Variants in LRRC4C observed in about 807,000 individuals in gnomAD.
The protein encoded by LRRC4C is leucine-rich repeat-containing protein 4C.
In LRRC4C, 5 loss-of-function variants were observed where a neutral mutation model predicts 33.6. That is an observed-to-expected ratio of 0.15 (90% CI 0.08 to 0.31). The LOEUF (loss-of-function observed/expected upper bound fraction) is 0.31. Among genes scored for constraint, LRRC4C ranks in the 10% least tolerant of loss-of-function variants. The pLI, the probability that LRRC4C is intolerant of heterozygous loss-of-function variation, is 1.00. For missense variants in LRRC4C, 560 were observed against 796.7 expected (o/e 0.70, Z 3.58); for synonymous variants, 329 against 302.0 (o/e 1.09, Z -0.93).
chr11:40,260,563 T>A (rs184921503), intron 4 of LRRC4C, among the ~76,000 whole-genome samples: 2,021 of 150,678 alleles, frequency 0.013, 54 homozygotes, highest in Non-Finnish European at 0.014. Context: ...AAAAAAAAAT[T>A]AAAAAAAATA....
In LRRC4C at chr11:41,148,897, A is replaced by G. The variant is rs77755868; in HGVS notation, c.-495-215174T>C. On this transcript the variant is annotated intron_variant, in intron 1 of 6. Coordinates refer to ENST00000528697, the MANE Select transcript of LRRC4C (RefSeq NM_001258419.2). ...GATAATTACGTTAGCTATTGTTATT[A>G]ACCAAGAAGTTACCGAATCATAGCA... is the stretch of plus-strand genomic sequence containing the variant. Among the ~76,000 whole-genome samples, 754 of 152,294 alleles carry G rather than the reference A, an allele frequency of 5.0e-3. 8 individuals are homozygous for G. Among genetic ancestry groups the G allele is most frequent in the African/African-American group, 0.017 (705 of 41,556 alleles).
intron 3 of LRRC4C, among the ~76,000 whole-genome samples, chr11:40,527,480 T>A (rs1292608291): frequency 1.3e-5 from 2 of 152,134 alleles, no homozygotes; most frequent in South Asian, 4.2e-4. Flanking sequence ...ATAAGGATAT[T>A]TGGTAAATTA....
chr11:41,107,429 T>C (rs1941571025), intron 1 of LRRC4C, among the ~76,000 whole-genome samples: 1 of 152,132 alleles, frequency 6.6e-6, no homozygotes, highest in Admixed American at 6.6e-5. Flanking sequence ...TCCTGAAATA[T>C]AATTTTTCAT....
chr11:40,358,521 T>G (rs1462289750), intron 3 of LRRC4C, among the ~76,000 whole-genome samples: 1 of 152,112 alleles, frequency 6.6e-6, no homozygotes, highest in South Asian at 2.1e-4. Context: ...GCTCAAGTGA[T>G]CCACCTGCCT....
At chr11:41,088,818 G>T (rs769527134) in intron 1 of LRRC4C, among the ~76,000 whole-genome samples, 19 of 152,016 alleles carry the variant, frequency 1.2e-4, no homozygotes, top group Non-Finnish European at 2.5e-4. Flanking sequence ...CCACAAAATG[G>T]AGATTACCTC....
chr11:40,415,202 T>C (rs1206220235), intron 3 of LRRC4C, among the ~76,000 whole-genome samples: 5 of 152,124 alleles, frequency 3.3e-5, no homozygotes, highest in Admixed American at 1.3e-4. Flanking sequence ...ATAAGAACTT[T>C]AGTGGAAAAG....
intron 3 of LRRC4C, among the ~76,000 whole-genome samples, chr11:40,591,280 G>T (rs1163705522): frequency 2.0e-5 from 3 of 152,144 alleles, no homozygotes; most frequent in Non-Finnish European, 4.4e-5. Flanking sequence ...ACTAGGAAAG[G>T]GAACTCCCTG....
intron 1 of LRRC4C, chr11:41,223,082 G>T (rs373230011): frequency 1.3e-5 from 2 of 151,986 alleles, no homozygotes; most frequent in South Asian, 2.1e-4. Flanking sequence ...ATTAAAAAAC[G>T]CTAGCTATGA....
At position 41,017,002 on chromosome 11, in the gene LRRC4C, GAGTAA is replaced by G. The variant is rs143833950; in HGVS notation, c.-495-83284_-495-83280del. 4.8e-3 allele frequency among the ~76,000 whole-genome samples: 736 copies of G among 152,226 alleles called. 6 individuals are homozygous for G. The highest frequency in any genetic ancestry group is 0.017 in the African/African-American group (704 of 41,536). On this transcript the variant is annotated intron_variant, in intron 1 of 6. Transcript: ENST00000528697. The stretch of plus-strand genomic sequence containing the variant: ...GTGTATATCAATCAAAACAATGAAT[GAGTAA>G]AGTATTTTTATTTTTTTCTCCAGGG...
At chr11:41,424,782 G>C (rs535589864) in intron 1 of LRRC4C, among the ~76,000 whole-genome samples, 1 of 152,170 alleles carries the variant, frequency 6.6e-6, no homozygotes, top group East Asian at 1.9e-4. Flanking sequence ...GCTATCTTGA[G>C]AGTCTTTTAG....
intron 2 of LRRC4C, among the ~76,000 whole-genome samples, chr11:40,917,934 T>C (rs1008915719): frequency 4.6e-5 from 7 of 152,124 alleles, no homozygotes; most frequent in African/African-American, 1.7e-4. Flanking sequence ...CAGTGTGGGT[T>C]TGACATCCTT....
intron 1 of LRRC4C, among the ~76,000 whole-genome samples, chr11:41,107,991 AG>A (rs1941612777): frequency 6.9e-6 from 1 of 145,248 alleles, no homozygotes; most frequent in Non-Finnish European, 1.5e-5. Context: ...GGGAGAGGGG[AG>A]AGGGGAGAGT....
rs142848763 is a variant in LRRC4C, at chr11:41,022,103, C to T, written c.-495-88380G>A. ...CTCCATAGGAATGTCTTCCTGAATG[C>T]TTATGCTAACTTTAATTTTATGAGC... On this transcript the variant is annotated intron_variant, in intron 1 of 6. Transcript: ENST00000528697. 4.0e-3 allele frequency among the ~76,000 whole-genome samples: 588 copies of T among 148,526 alleles called. 3 individuals are homozygous for T. Among genetic ancestry groups the T allele is most frequent in the African/African-American group, 0.014 (561 of 40,562 alleles).
chr11:41,175,272 T>A (rs1327587956), intron 1 of LRRC4C, among the ~76,000 whole-genome samples: 1 of 152,182 alleles, frequency 6.6e-6, no homozygotes, highest in Non-Finnish European at 1.5e-5. Flanking sequence ...CAATATAGTC[T>A]ATCAAAAAGT....
intron 3 of LRRC4C, among the ~76,000 whole-genome samples, chr11:40,513,849 A>G (rs1728847018): frequency 6.6e-6 from 1 of 152,110 alleles, no homozygotes; most frequent in African/African-American, 2.4e-5. Context: ...TACTCAGATA[A>G]AAGTGATTCT....
intron 2 of LRRC4C, among the ~76,000 whole-genome samples, chr11:40,822,132 C>A (rs866696274): frequency 6.6e-6 from 1 of 151,680 alleles, no homozygotes; most frequent in African/African-American, 2.4e-5. Flanking sequence ...TTTGTAACCA[C>A]TAACCCACCA....
intron 6 of LRRC4C, 50 bp from the exon 7 acceptor site, chr11:40,116,384 A>C: frequency 6.7e-7 from 1 of 1,500,862 alleles, no homozygotes; most frequent in Non-Finnish European, 8.9e-7. Context: ...ATTTATTCTA[A>C]GTGTCTTTCT....
At chr11:40,920,659 T>A (rs1237399715) in intron 2 of LRRC4C, among the ~76,000 whole-genome samples, 1 of 152,242 alleles carries the variant, frequency 6.6e-6, no homozygotes, top group African/African-American at 2.4e-5. Flanking sequence ...AGGAAACTGA[T>A]GACTCAATTC....
Position 40,427,023 on chromosome 11 carries a change from A to G in LRRC4C, c.-269-107302T>C, listed in dbSNP as rs533229725. Among the ~76,000 whole-genome samples, 4 of 152,330 alleles carry G rather than the reference A, an allele frequency of 2.6e-5. 1 individual carries two copies. In the East Asian group the frequency reaches 7.7e-4, roughly 29 times the overall value. On this transcript the variant is annotated intron_variant, in intron 3 of 6. Coordinates refer to ENST00000528697, the MANE Select transcript of LRRC4C (RefSeq NM_001258419.2). ...TATAACTTACTAAAATTTTGCATTT[A>G]GAATCACCTTCTGAGATATTTAAGT...
Sources: gnomAD v4.1 joint callset for allele counts (sites outside exome capture counted in the v4.1 genomes callset) on GRCh38, gnomAD v4.1.1 for gene constraint, MANE v1.5 for transcripts, NCBI Gene and HGNC (gene_info 2026-07-23, HGNC 2026-07-21) for gene names.